AKR1C2: variants seen among roughly 807,000 people sequenced by gnomAD.
AKR1C2 encodes the protein 3-alpha-HSD3.
A neutral mutation model predicts 39.8 loss-of-function variants in AKR1C2; 27 were observed. The ratio of observed to expected loss-of-function variants is 0.68; its 90% CI spans 0.50 to 0.93. The LOEUF is 0.93. Ranked by LOEUF, AKR1C2 falls within the 40% of genes least tolerant of loss-of-function variation. The pLI is 0.00. For synonymous variants in AKR1C2, 114 were observed against 137.9 expected (o/e 0.83, Z 1.22); for missense variants, 263 against 365.1 (o/e 0.72, Z 2.28).
intron 5 of AKR1C2, among the ~76,000 whole-genome samples, chr10:4,998,020 C>A (rs1837121331): frequency 6.6e-6 from 1 of 152,226 alleles, no homozygotes; most frequent in African/African-American, 2.4e-5. Flanking sequence ...CTGAACCTTC[C>A]TCAGTGTGGA....
At chr10:4,997,603 G>T (rs1554773242) in intron 5 of AKR1C2, among the ~76,000 whole-genome samples, 1 of 151,796 alleles carries the variant, frequency 6.6e-6, no homozygotes, top group Admixed American at 6.6e-5. Context: ...TGGTAACATG[G>T]GTCTCCAGTA....
chr10:4,992,729 T>C (rs1554772390), intron 7 of AKR1C2, among the ~76,000 whole-genome samples: 2 of 150,680 alleles, frequency 1.3e-5, no homozygotes, highest in African/African-American at 5.0e-5. Flanking sequence ...CGCAGGAGGA[T>C]TGCCTGATTT....
intron 8 of AKR1C2, among the ~76,000 whole-genome samples, chr10:4,991,352 G>C (rs765378776): frequency 1.1e-4 from 17 of 152,052 alleles, no homozygotes; most frequent in Non-Finnish European, 2.4e-4. Context: ...AAATTGACAG[G>C]ATCCAGCAAG....
intron 1 of AKR1C2, among the ~76,000 whole-genome samples, chr10:5,016,419 A>G (rs1429731103): frequency 2.6e-5 from 4 of 152,230 alleles, no homozygotes; most frequent in Admixed American, 1.3e-4. Context: ...AGGCCCCATA[A>G]AAGTCCAAAA....
intron 7 of AKR1C2, among the ~76,000 whole-genome samples, chr10:4,992,564 T>C (rs1422933574): frequency 6.6e-6 from 1 of 152,150 alleles, no homozygotes; most frequent in Non-Finnish European, 1.5e-5. Flanking sequence ...TTGATGAATG[T>C]AGGTAAGAAG....
rs782750663 is a variant in AKR1C2, at chr10:5,011,196, C to A, written c.-88+6704G>T. On this transcript the variant is annotated intron_variant, in intron 1 of 6. Coordinates refer to the AKR1C2 transcript ENST00000604507. ...AAACCCAAATAACCTCTTTAAAATT[C>A]ATCAAAGAGCAGAGGTTTCCCAACT... 5.9e-5 allele frequency among the ~76,000 whole-genome samples: 9 copies of A among 152,252 alleles called. 1 individual carries two copies. In the East Asian group the frequency reaches 1.4e-3, roughly 23 times the overall value.
upstream of AKR1C2, among the ~76,000 whole-genome samples, chr10:5,007,041 G>A (rs1248145894): frequency 2.1e-5 from 3 of 146,196 alleles, no homozygotes; most frequent in South Asian, 4.7e-4. Context: ...CAGTGTGCTC[G>A]GATTACAGGC....
rs782022080 is a variant in AKR1C2 at position 4,995,467 on chromosome 10, G to C, written c.698C>G (p.Pro233Arg). 6.5e-7 allele frequency: 1 copy of C among 1,533,524 alleles called. No homozygotes were observed. Among genetic ancestry groups the C allele is most frequent in the African/African-American group, 1.4e-5 (1 of 71,728 alleles). The allele number at this position is 1,533,524 out of a possible 1,614,324, so 95.0% of individuals were successfully genotyped here. ...AAGGACTGGGTCCTCCAAGAGCACC[G>C]GGGAGTTCGGGTCCACCCTGGAAGG... ...REEPWVDPNS[P>R]VLLEDPVLCA... The change falls in exon 7 of 9, where the codon CCG (proline) becomes CGG (arginine). Residue 233 changes from proline to arginine, a missense_variant. Physicochemically the swap from Pro to Arg is moderately radical, Grantham distance 103 (BLOSUM62 -2). Coordinates refer to ENST00000380753, the MANE Select transcript of AKR1C2 (RefSeq NM_001393392.1).
At chr10:5,009,543 TG>T (rs1421637106) in intron 1 of AKR1C2, among the ~76,000 whole-genome samples, 1 of 151,754 alleles carries the variant, frequency 6.6e-6, no homozygotes, top group Non-Finnish European at 1.5e-5. Flanking sequence ...TATTTCTGAA[TG>T]GTTTAAACTC....
chr10:5,016,530 G>A (rs531066645), intron 1 of AKR1C2, among the ~76,000 whole-genome samples: 5 of 152,318 alleles, frequency 3.3e-5, no homozygotes, highest in African/African-American at 9.6e-5. Context: ...GGCTCCCAGG[G>A]TCTTGGGCAG....
Position 4,988,898 on chromosome 10 carries a change from T to C in AKR1C2, c.*1098A>G, listed in dbSNP as rs575068967. On this transcript the variant is annotated 3_prime_UTR_variant, in exon 9 of 9. Coordinates refer to ENST00000380753, the MANE Select transcript of AKR1C2 (RefSeq NM_001393392.1). Reference sequence around the variant, plus strand: ...CCTTTGTAAGAGTTCTTCTTAAAATTTACCAAAGTTTGAAACCAGTGTGCT... The same window carrying C: ...CCTTTGTAAGAGTTCTTCTTAAAATCTACCAAAGTTTGAAACCAGTGTGCT... The C allele has an allele frequency of 1.2e-4, 18 of 152,264 alleles. No homozygotes were observed. The highest frequency in any genetic ancestry group is 1.2e-3 in the East Asian group (6 of 5,194). 9.4% of individuals were successfully genotyped at this position (152,264 alleles called of 1,614,324 possible). A position where few individuals can be genotyped will look rare whatever the true frequency, so the allele number is the denominator to read the frequency against.
chr10:5,016,370 G>T (rs373271507), intron 1 of AKR1C2, among the ~76,000 whole-genome samples: 1 of 152,162 alleles, frequency 6.6e-6, no homozygotes, highest in African/African-American at 2.4e-5. Flanking sequence ...AAATGCTTCT[G>T]TTCCAAAATG....
At position 5,003,777 on chromosome 10, in the gene AKR1C2, C is replaced by T. The variant is rs1264415599; in HGVS notation, c.59G>A (p.Gly20Glu). The change falls in exon 1 of 9, where the codon GGA becomes GAA. Residue 20 changes from glycine to glutamate, a missense_variant. Transcript: ENST00000380753. ...LNDGHFMPVL[G>E]FGTYAPAEVP... ...CTCTGCAGGCGCATAGGTGCCAAAT[C>T]CCAGGACAGGCATGAAGTGACCATC... 6 of 1,614,026 alleles carry T rather than the reference C, an allele frequency of 3.7e-6. No individual in the cohort carries two copies. Among genetic ancestry groups the T allele is most frequent in the South Asian group, 1.1e-5 (1 of 91,068 alleles).
At position 4,989,929 on chromosome 10, in the gene AKR1C2, G is replaced by A; in HGVS notation, c.*67C>T. 6.7e-7 allele frequency: 1 copy of A among 1,487,570 alleles called. No individual in the cohort carries two copies. Among genetic ancestry groups the A allele is most frequent in the Non-Finnish European group, 9.3e-7 (1 of 1,072,872 alleles). The allele number at this position is 1,487,570 out of a possible 1,614,324, so 92.1% of individuals were successfully genotyped here. A position where few individuals can be genotyped will look rare whatever the true frequency, so the allele number is the denominator to read the frequency against. The stretch of plus-strand genomic sequence containing the variant: ...GGCGATGTGTCCAGTCACCAGCATA[G>A]AGCCATCCTCTGTGTCACCATCCAC... On this transcript the variant is annotated 3_prime_UTR_variant, in exon 9 of 9. Coordinates refer to ENST00000380753, the MANE Select transcript of AKR1C2 (RefSeq NM_001393392.1).
At chr10:5,009,616 GCC>G (rs71499621) in intron 1 of AKR1C2, among the ~76,000 whole-genome samples, 1 of 151,586 alleles carries the variant, frequency 6.6e-6, no homozygotes, top group Non-Finnish European at 1.5e-5. Flanking sequence ...CCCAGCAAAG[GCC>G]CCCACCTTTA....
chr10:4,995,090 A>C (rs1332001137), intron 7 of AKR1C2, among the ~76,000 whole-genome samples: 1 of 92,468 alleles, frequency 1.1e-5, no homozygotes, highest in Non-Finnish European at 2.2e-5. Flanking sequence ...GATATCACTG[A>C]CTTAACGCTA....
Position 4,998,614 on chromosome 10 carries a change from A to T in AKR1C2, c.570+11T>A. 1 of 1,613,914 alleles carries T rather than the reference A, an allele frequency of 6.2e-7. No homozygotes were observed. The highest frequency in any genetic ancestry group is 2.2e-5 in the East Asian group (1 of 44,866). ...GAAGAACAGAAAGGAGAGGAGGCTG[A>T]GGGCGCTCACCTGGTTGCAGACAGG... On this transcript the variant is annotated intron_variant, in intron 5 of 8. Coordinates refer to ENST00000380753, the MANE Select transcript of AKR1C2 (RefSeq NM_001393392.1).
rs1401102844 is a variant in AKR1C2 at position 4,988,064 on chromosome 10, C to T, written c.*1932G>A. On this transcript the variant is annotated 3_prime_UTR_variant, in exon 9 of 9. Coordinates refer to ENST00000380753, the MANE Select transcript of AKR1C2 (RefSeq NM_001393392.1). ...ATGGATGGTGAAGAACTGGAAAAAG[C>T]CCACAGCAGCCGTACTATTTACAAA... The T allele has an allele frequency of 3.3e-5, 5 of 151,790 alleles. No individual in the cohort carries two copies. Among genetic ancestry groups the T allele is most frequent in the South Asian group, 2.1e-4 (1 of 4,814 alleles). 9.4% of individuals were successfully genotyped at this position (151,790 alleles called of 1,614,324 possible).
intron 7 of AKR1C2, among the ~76,000 whole-genome samples, chr10:4,993,551 A>T (rs529555945): frequency 2.0e-5 from 3 of 152,276 alleles, no homozygotes; most frequent in Admixed American, 1.3e-4. Context: ...AACACAGTAA[A>T]ATATTGTGAT....
Sources: gnomAD v4.1 joint callset for allele counts (sites outside exome capture counted in the v4.1 genomes callset) on GRCh38, gnomAD v4.1.1 for gene constraint, MANE v1.5 for transcripts, NCBI Gene and HGNC (gene_info 2026-07-23, HGNC 2026-07-21) for gene names.